The following VPS35L variants were observed in gnomAD, a reference collection of about 807,000 sequenced individuals.
The protein encoded by VPS35L is VPS35 endosomal protein sorting factor like.
VPS35L carries 83 observed loss-of-function variants against 133.0 expected under a neutral mutation model. The ratio of observed to expected loss-of-function variants is 0.62; its 90% CI spans 0.52 to 0.75. The LOEUF (loss-of-function observed/expected upper bound fraction) is 0.75, where lower values mean the gene tolerates loss of function less well. Ranked by LOEUF, VPS35L falls within the 30% of genes least tolerant of loss-of-function variation. The probability of loss-of-function intolerance (pLI) is 0.00; values close to 1 mark genes in which losing one functional copy is unlikely to be tolerated. For missense variants in VPS35L, 1,083 were observed against 1,206.8 expected (o/e 0.90, Z 1.52); for synonymous variants, 423 against 449.9 (o/e 0.94, Z 0.76).
Position 19,633,258 on chromosome 16 carries a change from A to G in VPS35L, c.1635+86A>G. On this transcript the variant is annotated intron_variant, in intron 19 of 30. Coordinates refer to ENST00000417362, the MANE Select transcript of VPS35L (RefSeq NM_020314.7). The surrounding 1 kb of genome is among the most constrained non-coding windows in gnomAD (Gnocchi z 4.1). ...AGGCGTGTTGTATGGGTCAGGCTAT[A>G]AAGGCACATAATCCTGTGTTTGAAT... 4 of 1,166,958 alleles carry G rather than the reference A, an allele frequency of 3.4e-6. No homozygotes were observed. The highest frequency in any genetic ancestry group is 1.9e-4 in the Middle Eastern group (1 of 5,178). 72.3% of individuals were successfully genotyped at this position (1,166,958 alleles called of 1,614,324 possible).
chr16:19,671,074 AT>A (rs1293919445), intron 27 of VPS35L, among the ~76,000 whole-genome samples: 2 of 152,224 alleles, frequency 1.3e-5, no homozygotes, highest in East Asian at 1.9e-4. Flanking sequence ...GAAGCAACAG[AT>A]TACAGTATCA....
intron 5 of VPS35L, chr16:19,578,197 A>T (rs1373946982): frequency 1.8e-5 from 8 of 440,110 alleles, no homozygotes; most frequent in African/African-American, 1.2e-4. Flanking sequence ...TGGAGCAGAC[A>T]CTTTGTGACT....
intron 27 of VPS35L, among the ~76,000 whole-genome samples, chr16:19,674,420 T>G (rs1974991307): frequency 6.6e-6 from 1 of 151,818 alleles, no homozygotes; most frequent in Non-Finnish European, 1.5e-5. Flanking sequence ...GGTCTCGAAC[T>G]CCTGAGCTCA....
At chr16:19,625,814 C>T (rs534066430) in intron 14 of VPS35L, among the ~76,000 whole-genome samples, 21 of 152,254 alleles carry the variant, frequency 1.4e-4, no homozygotes, top group Admixed American at 3.9e-4. Context: ...GCTGGGATTA[C>T]AGGCACCCGC....
intron 28 of VPS35L, among the ~76,000 whole-genome samples, chr16:19,691,023 T>A (rs1011829834): frequency 3.3e-5 from 5 of 152,002 alleles, no homozygotes; most frequent in Non-Finnish European, 5.9e-5. Flanking sequence ...TGGGGGACTC[T>A]GCAATAAGGC....
intron 27 of VPS35L, among the ~76,000 whole-genome samples, chr16:19,677,520 GCA>G (rs1356471105): frequency 6.6e-6 from 1 of 152,232 alleles, no homozygotes; most frequent in Admixed American, 6.5e-5. Context: ...AGTCAGCTAG[GCA>G]CAGATGGGGA....
chr16:19,628,983 G>T (rs1266214177), intron 17 of VPS35L, among the ~76,000 whole-genome samples: 1 of 152,048 alleles, frequency 6.6e-6, no homozygotes, highest in Non-Finnish European at 1.5e-5. Context: ...GTAGAGACAG[G>T]TTTTCACCAT....
intron 8 of VPS35L, 152 bp from the exon 9 acceptor site, chr16:19,601,512 G>A: frequency 3.0e-6 from 2 of 668,334 alleles, no homozygotes; most frequent in South Asian, 2.1e-5. Context: ...AAAAAATGTG[G>A]CTTAAAATCT....
intron 23 of VPS35L, among the ~76,000 whole-genome samples, chr16:19,646,205 C>T (rs553682312): frequency 9.2e-5 from 14 of 152,250 alleles, no homozygotes; most frequent in African/African-American, 3.4e-4. Flanking sequence ...GTTCCCTTCT[C>T]CAGGGTTTTG....
intron 27 of VPS35L, among the ~76,000 whole-genome samples, chr16:19,676,363 C>T (rs928346013): frequency 1.3e-5 from 2 of 152,224 alleles, no homozygotes; most frequent in African/African-American, 4.8e-5. Context: ...CCCAGGGTGG[C>T]CCTCTCTCCC....
At chr16:19,610,783 G>C (rs1378177051) in intron 12 of VPS35L, among the ~76,000 whole-genome samples, 1 of 152,058 alleles carries the variant, frequency 6.6e-6, no homozygotes, top group Non-Finnish European at 1.5e-5. Context: ...TCTTGACTTT[G>C]ATTGCTTTAT....
intron 5 of VPS35L, 142 bp downstream of exon 5, chr16:19,575,264 G>A (rs755243393): frequency 2.4e-5 from 19 of 778,220 alleles, no homozygotes; most frequent in Admixed American, 1.1e-4. Context: ...GTGGATAGAC[G>A]TAGAAATAAA....
In VPS35L at chr16:19,579,131, G is replaced by C; in HGVS notation, c.510+3G>C. On this transcript the variant is annotated splice_donor_region_variant and intron_variant, in intron 6 of 30. Transcript: ENST00000417362. ...AGGAGCTGGATGACTTTGAGGAGGTGAGCAAGTCATTTGTGGAATACAGGG... is the reference window on the plus strand; with the variant it reads ...AGGAGCTGGATGACTTTGAGGAGGTCAGCAAGTCATTTGTGGAATACAGGG... 1 of 1,613,450 alleles carries C rather than the reference G, an allele frequency of 6.2e-7. No homozygotes were observed. The highest frequency in any genetic ancestry group is 8.5e-7 in the Non-Finnish European group (1 of 1,179,670).
In VPS35L at chr16:19,629,794, G is replaced by A. The variant is rs370497822; in HGVS notation, c.1528G>A (p.Val510Met). The change falls in exon 18 of 31, where the codon GTG (valine) becomes ATG (methionine). Residue 510 changes from valine (V) to methionine (M), a missense_variant. Physicochemically the swap from Val to Met is conservative, Grantham distance 21 (BLOSUM62 1). Transcript: ENST00000417362. ...QDYINCAEVWVEYTCKHFTKR... is the reference protein window; with the variant it reads ...QDYINCAEVWMEYTCKHFTKR... Reference sequence around the variant, plus strand: ...CTACATTAATTGTGCCGAAGTGTGGGTGGAATACACCTGCAAGCATTTCAC... The same window carrying A: ...CTACATTAATTGTGCCGAAGTGTGGATGGAATACACCTGCAAGCATTTCAC... The A allele has an allele frequency of 6.8e-6, 11 of 1,613,756 alleles. No individual in the cohort carries two copies. The highest frequency in any genetic ancestry group is 5.0e-5 in the Admixed American group (3 of 59,994).
chr16:19,647,768 T>C lies in VPS35L; in HGVS notation c.1930-16T>C. ...AATACCACTGTCCCTTTCAGCGTCTTTCTCCTTGATTCTAGGTTTCCTTTG... is the reference window on the plus strand; with the variant it reads ...AATACCACTGTCCCTTTCAGCGTCTCTCTCCTTGATTCTAGGTTTCCTTTG... On this transcript the variant is annotated splice_polypyrimidine_tract_variant and intron_variant, in intron 23 of 30. Transcript: ENST00000417362. 1.9e-6 allele frequency: 3 copies of C among 1,605,328 alleles called. No homozygotes were observed. The highest frequency in any genetic ancestry group is 2.6e-6 in the Non-Finnish European group (3 of 1,172,038).
rs1973712937 is a variant in VPS35L, at chr16:19,639,268, A to G, written c.1699-747A>G. Among the ~76,000 whole-genome samples, 1 of 152,174 alleles carries G rather than the reference A, an allele frequency of 6.6e-6. No homozygotes were observed. The highest frequency in any genetic ancestry group is 6.5e-5 in the Admixed American group (1 of 15,286). On this transcript the variant is annotated intron_variant, in intron 20 of 30. Coordinates refer to ENST00000417362, the MANE Select transcript of VPS35L (RefSeq NM_020314.7). The surrounding 1 kb of genome is among the most constrained non-coding windows in gnomAD (Gnocchi z 4.1). ...AACTGATGCAGGAAGAGGTAGAGTA[A>G]CTTGCTTACAGCCACACAGTCACCG...
At chr16:19,685,802 A>G (rs1180025531) in intron 28 of VPS35L, among the ~76,000 whole-genome samples, 3 of 152,074 alleles carry the variant, frequency 2.0e-5, no homozygotes, top group Non-Finnish European at 4.4e-5. Context: ...TGAAGTGAAC[A>G]TTGAAGGCTC....
chr16:19,584,080 A>G (rs554212439), intron 7 of VPS35L, among the ~76,000 whole-genome samples: 1 of 152,128 alleles, frequency 6.6e-6, no homozygotes, highest in Non-Finnish European at 1.5e-5. Context: ...TGTGTGTACC[A>G]TGTTTTCTTT....
intron 19 of VPS35L, among the ~76,000 whole-genome samples, chr16:19,636,917 A>G (rs1194299043): frequency 6.6e-6 from 1 of 152,142 alleles, no homozygotes; most frequent in Admixed American, 6.6e-5. Flanking sequence ...TCCTTGGGTA[A>G]TACCTTGGCC....
Sources: gnomAD v4.1 joint callset for allele counts (sites outside exome capture counted in the v4.1 genomes callset) on GRCh38, gnomAD v4.1.1 for gene constraint, Gnocchi (gnomAD v3.1) non-coding constraint, MANE v1.5 for transcripts, NCBI Gene and HGNC (gene_info 2026-07-23, HGNC 2026-07-21) for gene names.